TASP1: variants seen among roughly 807,000 people sequenced by gnomAD.
TASP1 encodes the protein taspase 1, also known as threonine aspartase 1.
A neutral mutation model predicts 56.6 loss-of-function variants in TASP1; 16 were observed. The observed-to-expected ratio is 0.28, with a 90% CI of 0.19 to 0.43. The LOEUF (loss-of-function observed/expected upper bound fraction) is 0.43, where lower values mean the gene tolerates loss of function less well. Ranked by LOEUF, TASP1 falls within the 20% of genes least tolerant of loss-of-function variation. The pLI is 1.00. For synonymous variants in TASP1, 179 were observed against 184.2 expected, an observed-to-expected ratio of 0.97 and a Z score of 0.23; for missense variants, 393 against 511.6, an observed-to-expected ratio of 0.77 and a Z score of 2.24.
chr20:13,524,100 G>A (rs1028060940), intron 10 of TASP1, among the ~76,000 whole-genome samples: 8 of 151,926 alleles, frequency 5.3e-5, no homozygotes, highest in Admixed American at 3.3e-4. Context: ...AATGAGCCAT[G>A]ATCACACCAC....
the TASP1 span, among the ~76,000 whole-genome samples, chr20:13,348,546 C>G: frequency 4.6e-5 from 7 of 152,180 alleles, no homozygotes; most frequent in South Asian, 1.5e-3. Context: ...GAGACCTAGC[C>G]TAGTGGATTT....
the TASP1 span, among the ~76,000 whole-genome samples, chr20:13,198,536 A>G: frequency 7.2e-5 from 11 of 152,200 alleles, no homozygotes; most frequent in Admixed American, 7.2e-4. Flanking sequence ...GGACACAAAC[A>G]TTCAGTCCAC....
intron 13 of TASP1, 106 bp downstream of exon 13, chr20:13,417,342 A>G: frequency 9.4e-7 from 1 of 1,064,590 alleles, no homozygotes; most frequent in Admixed American, 2.2e-5. Context: ...CCACAAAGCT[A>G]CTGCCCAAAA....
At chr20:13,576,903 T>C (rs1440190011) in intron 6 of TASP1, among the ~76,000 whole-genome samples, 1 of 152,216 alleles carries the variant, frequency 6.6e-6, no homozygotes, top group Non-Finnish European at 1.5e-5. Context: ...AAATATTGCA[T>C]ATGTCCCCTT....
chr20:13,551,436 T>C (rs907407887), intron 8 of TASP1, among the ~76,000 whole-genome samples: 2 of 152,162 alleles, frequency 1.3e-5, no homozygotes, highest in African/African-American at 4.8e-5. Context: ...ATGGAAACTA[T>C]TTCAACAATA....
chr20:13,195,178 A>C, the TASP1 span, among the ~76,000 whole-genome samples: 1 of 152,222 alleles, frequency 6.6e-6, no homozygotes, highest in Admixed American at 6.5e-5. Context: ...TTTTGCACCA[A>C]CTTAACAATA....
intron 13 of TASP1, among the ~76,000 whole-genome samples, chr20:13,396,680 A>T (rs1208891659): frequency 6.6e-6 from 1 of 152,238 alleles, no homozygotes; most frequent in Non-Finnish European, 1.5e-5. Context: ...TTGAAGATAC[A>T]ATTCCCGAGT....
chr20:13,453,958 T>C (rs914437920), intron 11 of TASP1, among the ~76,000 whole-genome samples: 1 of 151,420 alleles, frequency 6.6e-6, no homozygotes, highest in African/African-American at 2.4e-5. Flanking sequence ...AGAAGGAAGA[T>C]TGGAAAAGAT....
the TASP1 span, among the ~76,000 whole-genome samples, chr20:13,346,773 T>C: frequency 6.6e-6 from 1 of 152,242 alleles, no homozygotes; most frequent in Non-Finnish European, 1.5e-5. Context: ...GTTTAGTGGT[T>C]TATGACACAG....
intron 10 of TASP1, among the ~76,000 whole-genome samples, chr20:13,498,430 T>C (rs959952915): frequency 6.7e-6 from 1 of 149,256 alleles, no homozygotes; most frequent in Non-Finnish European, 1.5e-5. Context: ...GCAATATTAG[T>C]TCACTGCAGC....
chr20:13,480,481 G>A (rs929787800), intron 11 of TASP1, among the ~76,000 whole-genome samples: 1 of 152,142 alleles, frequency 6.6e-6, no homozygotes, highest in Non-Finnish European at 1.5e-5. Context: ...GGTCCATTAG[G>A]TGAGCTCAGA....
chr20:13,302,181 G>A, the TASP1 span, among the ~76,000 whole-genome samples: 1 of 152,138 alleles, frequency 6.6e-6, no homozygotes, highest in Non-Finnish European at 1.5e-5. Flanking sequence ...CGGTGAAAAT[G>A]ACTAATGTGA....
chr20:13,410,260 A>G (rs940804137), intron 13 of TASP1, among the ~76,000 whole-genome samples: 2 of 152,168 alleles, frequency 1.3e-5, no homozygotes, highest in African/African-American at 4.8e-5. Context: ...TATACTTGCT[A>G]TTGTGAGTAG....
intron 4 of TASP1, among the ~76,000 whole-genome samples, chr20:13,589,871 C>T (rs2047457122): frequency 6.6e-6 from 1 of 152,144 alleles, no homozygotes; most frequent in Admixed American, 6.5e-5. Flanking sequence ...TGCCATTGTA[C>T]TCTAGCCTGG....
chr20:13,471,641 G>A (rs555536920), intron 11 of TASP1, among the ~76,000 whole-genome samples: 1 of 152,152 alleles, frequency 6.6e-6, no homozygotes, highest in Admixed American at 6.6e-5. Flanking sequence ...CATCTCCAAG[G>A]TCTCCTTCCT....
chr20:13,621,591 T>C (rs188126501), intron 4 of TASP1, among the ~76,000 whole-genome samples: 34 of 152,290 alleles, frequency 2.2e-4, no homozygotes, highest in African/African-American at 7.7e-4. Flanking sequence ...ATCCACATTC[T>C]TAAAAAAACA....
At chr20:13,314,433 T>C in the TASP1 span, among the ~76,000 whole-genome samples, 2 of 152,014 alleles carry the variant, frequency 1.3e-5, no homozygotes, top group Admixed American at 6.6e-5. Context: ...ATCCACCTTC[T>C]CCTCAGAAAC....
intron 6 of TASP1, among the ~76,000 whole-genome samples, chr20:13,577,725 C>A (rs138838534): frequency 6.6e-6 from 1 of 152,124 alleles, no homozygotes; most frequent in East Asian, 1.9e-4. Context: ...GATCTTGGAC[C>A]GCTTAACTTC....
Position 13,402,695 on chromosome 20 carries a change from T to A in TASP1, c.1171-12243A>T, listed in dbSNP as rs564633565. On this transcript the variant is annotated intron_variant, in intron 13 of 13. Transcript: ENST00000337743. ...TGGTTAAGACTAAGGCCAATTTGTA[T>A]CTAGGTGTTTCCTGTCAAATCTAAA... Among the ~76,000 whole-genome samples the A allele has an allele frequency of 1.3e-3, 191 of 152,378 alleles. No individual in the cohort carries two copies. The Middle Eastern group carries it at 0.014, about 11-fold the overall frequency.
Sources: gnomAD v4.1 joint callset for allele counts (sites outside exome capture counted in the v4.1 genomes callset) on GRCh38, gnomAD v4.1.1 for gene constraint, MANE v1.5 for transcripts, NCBI Gene and HGNC (gene_info 2026-07-23, HGNC 2026-07-21) for gene names.